Variants in HS6ST3 observed in about 807,000 individuals in gnomAD.
The protein encoded by HS6ST3 is heparan-sulfate 6-O-sulfotransferase 3.
Under a neutral mutation model 36.7 loss-of-function variants are expected in HS6ST3, and 12 were observed. The ratio of observed to expected loss-of-function variants is 0.33; its 90% CI spans 0.21 to 0.53. HS6ST3 has a LOEUF of 0.53. Ranked by LOEUF, HS6ST3 falls within the 20% of genes least tolerant of loss-of-function variation. HS6ST3 has a pLI of 0.95. For missense variants in HS6ST3, 584 were observed against 640.9 expected (o/e 0.91, Z 0.96); for synonymous variants, 240 against 257.5 (o/e 0.93, Z 0.65).
Position 96,405,888 on chromosome 13 carries a change from G to A in HS6ST3, c.707+314319G>A, listed in dbSNP as rs146152366. Among the ~76,000 whole-genome samples the A allele has an allele frequency of 4.8e-3, 737 of 152,222 alleles. 1 individual carries two copies. Among genetic ancestry groups the A allele is most frequent in the Admixed American group, 0.013 (197 of 15,278 alleles). ...ATAAAATTTCAGAGGTGAGTTTTGA[G>A]CCAATTTGCTCCCCTCCCCTGTCCC... On this transcript the variant is annotated intron_variant, in intron 1 of 1. Coordinates refer to ENST00000376705, the MANE Select transcript of HS6ST3 (RefSeq NM_153456.4).
chr13:96,661,462 A>G (rs926130233), intron 1 of HS6ST3, among the ~76,000 whole-genome samples: 10 of 151,790 alleles, frequency 6.6e-5, no homozygotes, highest in African/African-American at 1.7e-4. Context: ...TCTTTTTCCA[A>G]CATTTTACTT....
chr13:96,230,830 T>A lies in HS6ST3; in HGVS notation c.707+139261T>A, dbSNP rs572440936. ...GGGGCCAGTAAAGACAGATGGTTCA[T>A]GATATAGCAGAGAAAGGAGGCAGGG... On this transcript the variant is annotated intron_variant, in intron 1 of 1. Coordinates refer to ENST00000376705, the MANE Select transcript of HS6ST3 (RefSeq NM_153456.4). Among the ~76,000 whole-genome samples the A allele has an allele frequency of 2.6e-5, 4 of 152,200 alleles. No individual in the cohort carries two copies. In the South Asian group the frequency reaches 8.3e-4, roughly 32 times the overall value.
At chr13:96,514,640 C>A (rs1019883058) in intron 1 of HS6ST3, among the ~76,000 whole-genome samples, 3 of 152,200 alleles carry the variant, frequency 2.0e-5, no homozygotes, top group Admixed American at 1.3e-4. Flanking sequence ...GCCTCAGAGG[C>A]AATCGTACCT....
At chr13:96,409,371 G>A (rs1454235853) in intron 1 of HS6ST3, among the ~76,000 whole-genome samples, 1 of 152,182 alleles carries the variant, frequency 6.6e-6, no homozygotes, top group African/African-American at 2.4e-5. Context: ...AGCAAGCTGG[G>A]ATTAGAGAAA....
At chr13:96,323,662 C>T (rs556903332) in intron 1 of HS6ST3, among the ~76,000 whole-genome samples, 13 of 152,234 alleles carry the variant, frequency 8.5e-5, no homozygotes, top group African/African-American at 2.9e-4. Flanking sequence ...GCCCCCATGC[C>T]TCCTTCCTGT....
intron 1 of HS6ST3, chr13:96,573,651 G>T: frequency 3.6e-6 from 1 of 277,018 alleles, no homozygotes; most frequent in South Asian, 3.5e-5. Context: ...TCCTCCACTG[G>T]AGTCCAAGTT....
intron 1 of HS6ST3, among the ~76,000 whole-genome samples, chr13:96,583,199 CTTTTCTTTTTTTTTTTT>C (rs1369549568): frequency 5.9e-5 from 2 of 33,948 alleles, no homozygotes; most frequent in Non-Finnish European, 1.2e-4. Flanking sequence ...ATTTCTTTTT[CTTTTCTTTTTTTTTTTT>C]TTTTTTTTTT....
intron 1 of HS6ST3, among the ~76,000 whole-genome samples, chr13:96,748,485 C>T (rs972072752): frequency 7.2e-5 from 11 of 152,066 alleles, no homozygotes; most frequent in Admixed American, 1.3e-4. Flanking sequence ...ATGAGTTAAC[C>T]GTGGCTAATC....
chr13:96,274,839 TCA>T (rs60430769), intron 1 of HS6ST3, among the ~76,000 whole-genome samples: 8,723 of 125,654 alleles, frequency 0.069, 274 homozygotes, highest in Admixed American at 0.12. Flanking sequence ...ACTTAGTCCT[TCA>T]CACACACACA....
intron 1 of HS6ST3, among the ~76,000 whole-genome samples, chr13:96,505,318 G>C (rs1249049212): frequency 6.6e-6 from 1 of 152,100 alleles, no homozygotes; most frequent in African/African-American, 2.4e-5. Context: ...GGTCATGAAA[G>C]GGAGCCCCAT....
intron 1 of HS6ST3, among the ~76,000 whole-genome samples, chr13:96,317,399 GGAATATAT>G: frequency 1.9e-5 from 2 of 105,278 alleles, no homozygotes; most frequent in East Asian, 5.3e-4. Flanking sequence ...TATATATCAT[GGAATATAT>G]ATATATATAT....
intron 1 of HS6ST3, among the ~76,000 whole-genome samples, chr13:96,757,801 C>T (rs932515761): frequency 6.6e-6 from 1 of 152,010 alleles, no homozygotes; most frequent in Non-Finnish European, 1.5e-5. Flanking sequence ...AACCAATCTT[C>T]CATTGCCTGG....
Position 96,091,198 on chromosome 13 carries a change from C to T in HS6ST3, c.336C>T (p.Pro112=). Residue 112 remains proline (P), a synonymous_variant, in exon 1 of 2, where the codon CCC becomes CCT. Transcript: ENST00000376705. ...EEEEEEDEPD[P]EAPENGSLPR... Reference sequence around the variant, plus strand: ...AGGAGGAGGAAGACGAGCCGGACCCCGAGGCCCCGGAAAACGGCTCCCTGC... The same window carrying T: ...AGGAGGAGGAAGACGAGCCGGACCCTGAGGCCCCGGAAAACGGCTCCCTGC... 1 of 1,557,936 alleles carries T rather than the reference C, an allele frequency of 6.4e-7. No individual in the cohort carries two copies. Among genetic ancestry groups the T allele is most frequent in the Non-Finnish European group, 8.7e-7 (1 of 1,150,602 alleles).
At chr13:96,263,448 A>C (rs2054676312) in intron 1 of HS6ST3, among the ~76,000 whole-genome samples, 1 of 152,218 alleles carries the variant, frequency 6.6e-6, no homozygotes, top group African/African-American at 2.4e-5. Context: ...ACCCACATTA[A>C]TATAAGAAAT....
chr13:96,128,630 G>T (rs1276435955), intron 1 of HS6ST3, among the ~76,000 whole-genome samples: 1 of 152,122 alleles, frequency 6.6e-6, no homozygotes, highest in Non-Finnish European at 1.5e-5. Context: ...AATTGCATTT[G>T]ATATCTGCAG....
intron 1 of HS6ST3, among the ~76,000 whole-genome samples, chr13:96,542,416 T>C (rs920166270): frequency 6.6e-6 from 1 of 152,196 alleles, no homozygotes; most frequent in Admixed American, 6.5e-5. Context: ...CCCTAAAATA[T>C]ATCTGCAGCC....
At chr13:96,604,492 T>A (rs1269888852) in intron 1 of HS6ST3, among the ~76,000 whole-genome samples, 1 of 152,160 alleles carries the variant, frequency 6.6e-6, no homozygotes, top group Admixed American at 6.5e-5. Context: ...GATACATTTG[T>A]TTTGGCTTAT....
chr13:96,770,901 A>C (rs936647148), intron 1 of HS6ST3, among the ~76,000 whole-genome samples: 1 of 152,218 alleles, frequency 6.6e-6, no homozygotes, highest in Admixed American at 6.5e-5. Context: ...GTCCATTGGC[A>C]CAATGGCTTT....
intron 1 of HS6ST3, among the ~76,000 whole-genome samples, chr13:96,144,807 C>T (rs1314006780): frequency 1.7e-5 from 2 of 114,410 alleles, no homozygotes; most frequent in African/African-American, 6.6e-5. Context: ...CTCCCCCCAC[C>T]ACACAACAGG....
Sources: gnomAD v4.1 joint callset for allele counts (sites outside exome capture counted in the v4.1 genomes callset) on GRCh38, gnomAD v4.1.1 for gene constraint, MANE v1.5 for transcripts, NCBI Gene and HGNC (gene_info 2026-07-23, HGNC 2026-07-21) for gene names.